Variants in SUGCT observed in about 807,000 individuals in gnomAD.
The protein encoded by SUGCT is succinyl-CoA:glutarate-CoA transferase, also known as succinyl-CoA:glutarate CoA-transferase.
SUGCT carries 41 observed loss-of-function variants against 55.0 expected under a neutral mutation model. The observed-to-expected ratio is 0.74, with a 90% CI of 0.58 to 0.97. The LOEUF (loss-of-function observed/expected upper bound fraction) is 0.97. SUGCT is among the 50% of genes least tolerant of loss of function. SUGCT has a pLI of 0.00. For missense variants in SUGCT, 568 were observed against 547.8 expected (o/e 1.04, Z -0.37); for synonymous variants, 187 against 200.4 (o/e 0.93, Z 0.56).
the SUGCT span, among the ~76,000 whole-genome samples, chr7:40,935,475 T>A: frequency 6.6e-6 from 1 of 152,224 alleles, no homozygotes; most frequent in Non-Finnish European, 1.5e-5. Context: ...TTGCCTGTTC[T>A]GGCTATTTCA....
chr7:40,737,378 A>G (rs1401690782), intron 12 of SUGCT, among the ~76,000 whole-genome samples: 2 of 152,248 alleles, frequency 1.3e-5, no homozygotes, highest in Admixed American at 6.5e-5. Context: ...ACAGATGTAC[A>G]TATACTGTTA....
At chr7:40,158,611 G>A (rs147642576) in intron 1 of SUGCT, among the ~76,000 whole-genome samples, 6,545 of 152,182 alleles carry the variant, frequency 0.043, 475 homozygotes, top group African/African-American at 0.15. Context: ...TTAGCCGGGC[G>A]TGGTGGCATG....
intron 9 of SUGCT, among the ~76,000 whole-genome samples, chr7:40,428,876 C>T (rs1787740922): frequency 6.6e-6 from 1 of 152,088 alleles, no homozygotes; most frequent in African/African-American, 2.4e-5. Flanking sequence ...TTCCTTTTAC[C>T]TTGGTGGACT....
At chr7:40,330,869 A>G (rs1796274891) in intron 9 of SUGCT, among the ~76,000 whole-genome samples, 1 of 152,172 alleles carries the variant, frequency 6.6e-6, no homozygotes, top group Non-Finnish European at 1.5e-5. Flanking sequence ...CTTTTCTAAC[A>G]TCATTTATTC....
chr7:40,631,738 A>T (rs188377019), intron 12 of SUGCT, among the ~76,000 whole-genome samples: 1 of 152,180 alleles, frequency 6.6e-6, no homozygotes, highest in South Asian at 2.1e-4. Context: ...CTAGAAGACC[A>T]CTGAGTTAAG....
At chr7:40,223,358 G>A (rs1788155415) in intron 6 of SUGCT, among the ~76,000 whole-genome samples, 1 of 152,198 alleles carries the variant, frequency 6.6e-6, no homozygotes, top group African/African-American at 2.4e-5. Context: ...ACTGCACCCA[G>A]CCTGTTTTTA....
the SUGCT span, among the ~76,000 whole-genome samples, chr7:40,995,410 T>TTATTATTATTAC: frequency 6.7e-6 from 1 of 150,356 alleles, no homozygotes; most frequent in Non-Finnish European, 1.5e-5. Context: ...ATTATTATTA[T>TTATTATTATTAC]AGTTTACTCT....
the SUGCT span, among the ~76,000 whole-genome samples, chr7:40,868,637 C>A: frequency 1.3e-5 from 2 of 152,144 alleles, no homozygotes; most frequent in Non-Finnish European, 2.9e-5. Context: ...GTCTCAAACT[C>A]CTGGGCTCAA....
intron 6 of SUGCT, among the ~76,000 whole-genome samples, chr7:40,222,733 C>T (rs1362809468): frequency 2.0e-5 from 3 of 152,002 alleles, no homozygotes; most frequent in African/African-American, 2.4e-5. Context: ...CCCTGCTACT[C>T]GAGAGGCTGA....
the SUGCT span, among the ~76,000 whole-genome samples, chr7:40,891,956 C>T: frequency 4.0e-5 from 6 of 151,782 alleles, no homozygotes; most frequent in East Asian, 3.9e-4. Context: ...TGTGGTGAGC[C>T]GAGATCATGC....
At chr7:40,456,919 A>G (rs963133766) in intron 10 of SUGCT, among the ~76,000 whole-genome samples, 3 of 152,146 alleles carry the variant, frequency 2.0e-5, no homozygotes, top group African/African-American at 7.2e-5. Flanking sequence ...CTTCCAGACT[A>G]TCTTAAGGAT....
At chr7:40,790,900 A>T (rs1790276012) in intron 13 of SUGCT, among the ~76,000 whole-genome samples, 1 of 152,230 alleles carries the variant, frequency 6.6e-6, no homozygotes, top group Non-Finnish European at 1.5e-5. Flanking sequence ...TTTATTTTCT[A>T]GTCAAAGAAT....
chr7:40,228,952 A>C (rs1466316653), intron 6 of SUGCT, among the ~76,000 whole-genome samples: 1 of 152,140 alleles, frequency 6.6e-6, no homozygotes, highest in Non-Finnish European at 1.5e-5. Flanking sequence ...TTCTCAGGCC[A>C]GTAAAGGCCT....
chr7:40,402,630 C>T (rs1342826074), intron 9 of SUGCT, among the ~76,000 whole-genome samples: 1 of 151,476 alleles, frequency 6.6e-6, no homozygotes, highest in African/African-American at 2.4e-5. Context: ...AAAAATACAT[C>T]TAGGTTTTCT....
intron 12 of SUGCT, among the ~76,000 whole-genome samples, chr7:40,703,091 T>C (rs1785237172): frequency 7.2e-6 from 1 of 138,270 alleles, no homozygotes; most frequent in South Asian, 2.3e-4. Flanking sequence ...TGAGACAGAG[T>C]CTCACTCTTG....
At chr7:40,403,575 T>A (rs1376210786) in intron 9 of SUGCT, among the ~76,000 whole-genome samples, 4 of 152,084 alleles carry the variant, frequency 2.6e-5, no homozygotes, top group African/African-American at 9.7e-5. Flanking sequence ...ACAACAGACA[T>A]AAAATGGGAG....
rs530423144 is a variant in SUGCT at position 40,164,081 on chromosome 7, A to G, written c.101-16866A>G. On this transcript the variant is annotated intron_variant, in intron 1 of 13. Coordinates refer to ENST00000335693, the MANE Select transcript of SUGCT (RefSeq NM_001193313.2). ...GCGATCTGTCCACCTCGGCCCCCCA[A>G]AGTCCTGGGATTATAGGCGTGAGCC... 4.6e-5 allele frequency among the ~76,000 whole-genome samples: 7 copies of G among 151,680 alleles called. No individual in the cohort carries two copies. In the South Asian group the frequency reaches 1.5e-3, roughly 32 times the overall value.
chr7:40,451,262 A>C (rs914766523), intron 10 of SUGCT, among the ~76,000 whole-genome samples: 3 of 152,188 alleles, frequency 2.0e-5, no homozygotes, highest in Non-Finnish European at 4.4e-5. Flanking sequence ...AGGACCTGGC[A>C]GTGAAAATTA....
intron 13 of SUGCT, among the ~76,000 whole-genome samples, chr7:40,805,830 A>G (rs929488703): frequency 2.0e-5 from 3 of 152,220 alleles, no homozygotes; most frequent in South Asian, 4.1e-4. Context: ...GGGCTAAACT[A>G]TGGTAGTAGC....
Sources: allele counts gnomAD v4.1 joint callset (sites outside exome capture counted in the v4.1 genomes callset), GRCh38; gene constraint gnomAD v4.1.1; transcripts MANE v1.5; gene names NCBI Gene and HGNC (gene_info 2026-07-23, HGNC 2026-07-21).